Variants in HEPACAM2 observed in about 807,000 individuals in gnomAD.
The protein encoded by HEPACAM2 is HEPACAM family member 2.
In HEPACAM2, 49 loss-of-function variants were observed where a neutral mutation model predicts 49.6. The observed-to-expected ratio is 0.99, with a 90% CI of 0.78 to 1.25. The LOEUF is 1.25. Among genes scored for constraint, HEPACAM2 ranks in the 50% most tolerant of loss-of-function variants. The probability of loss-of-function intolerance (pLI) is 0.00; values close to 1 mark genes in which losing one functional copy is unlikely to be tolerated. For synonymous variants in HEPACAM2, 197 were observed against 202.9 expected (o/e 0.97, Z 0.25); for missense variants, 525 against 557.2 (o/e 0.94, Z 0.58).
At chr7:93,215,835 G>A in intron 2 of HEPACAM2, 150 bp from the exon 3 acceptor site, 1 of 732,998 alleles carries the variant, frequency 1.4e-6, no homozygotes, top group Non-Finnish European at 2.1e-6. Context: ...CTAAAGAAGA[G>A]AAGAGAATAA....
At chr7:93,205,828 G>A (rs1718327707) in intron 4 of HEPACAM2, among the ~76,000 whole-genome samples, 3 of 152,060 alleles carry the variant, frequency 2.0e-5, no homozygotes, top group Admixed American at 1.3e-4. Flanking sequence ...GGACATTTGG[G>A]GGTTAGAAAA....
In HEPACAM2 at chr7:93,208,746, C is replaced by T. The variant is rs1216336872; in HGVS notation, c.846G>A (p.Trp282Ter). ...ATGTAGTATTGTCAGTCCTCCTAATCCAGGAGTAGGTGTTGGGGGGATGAG... is the reference window on the plus strand; with the variant it reads ...ATGTAGTATTGTCAGTCCTCCTAATTCAGGAGTAGGTGTTGGGGGGATGAG... Reference protein sequence around the residue: ...ADSHPPNTYSWIRRTDNTTYI... With the variant: ...ADSHPPNTYS The change falls in exon 4 of 10, where the codon TGG (tryptophan) becomes TGA (stop). Residue 282 changes from tryptophan to a stop codon, truncating the protein, a stop_gained. Transcript: ENST00000394468. LOFTEE classifies it high-confidence loss of function. 6.2e-7 allele frequency: 1 copy of T among 1,613,130 alleles called. No individual in the cohort carries two copies. Among genetic ancestry groups the T allele is most frequent in the Non-Finnish European group, 8.5e-7 (1 of 1,179,452 alleles).
intron 1 of HEPACAM2, 73 bp downstream of exon 1, chr7:93,226,295 A>G (rs1794537748): frequency 2.7e-6 from 3 of 1,123,988 alleles, no homozygotes; most frequent in Non-Finnish European, 4.0e-6. Flanking sequence ...TAAAGCAAAT[A>G]TTTACCTTAT....
At chr7:93,226,571 G>A, upstream of HEPACAM2, 1 of 704,962 alleles carries the variant, frequency 1.4e-6, no homozygotes, top group Non-Finnish European at 2.5e-6. Context: ...AATACAGAAT[G>A]AATGTGTATA....
intron 8 of HEPACAM2, among the ~76,000 whole-genome samples, chr7:93,195,541 T>G (rs1793690104): frequency 6.6e-6 from 1 of 152,142 alleles, no homozygotes; most frequent in South Asian, 2.1e-4. Flanking sequence ...TCTCTTGACT[T>G]TCAACCTAGT....
chr7:93,192,333 A>C lies in HEPACAM2; in HGVS notation c.1306T>G (p.Cys436Gly). The change falls in exon 9 of 10, where the codon TGT becomes GGT. Residue 436 changes from cysteine to glycine, a missense_variant. Cys to Gly is a radical substitution (Grantham distance 159). Transcript: ENST00000394468. Reference protein sequence around the residue: ...IPSRSVPASDCVSGQDLHSTV... With the variant: ...IPSRSVPASDGVSGQDLHSTV... Reference sequence around the variant, plus strand: ...CTGTGCAAATCTTGCCCCGATACACAATCAGAGGCTGGAACAGACCTGCTT... The same window carrying C: ...CTGTGCAAATCTTGCCCCGATACACCATCAGAGGCTGGAACAGACCTGCTT... 6.2e-7 allele frequency: 1 copy of C among 1,612,722 alleles called. No individual in the cohort carries two copies. Among genetic ancestry groups the C allele is most frequent in the Non-Finnish European group, 8.5e-7 (1 of 1,179,120 alleles).
chr7:93,200,833 T>G (rs1255990842), intron 4 of HEPACAM2, among the ~76,000 whole-genome samples: 1 of 152,154 alleles, frequency 6.6e-6, no homozygotes, highest in Non-Finnish European at 1.5e-5. Context: ...CCAACCTGCT[T>G]ATTCTAGTTC....
Position 93,192,332 on chromosome 7 carries a change from C to G in HEPACAM2, c.1307G>C (p.Cys436Ser). Residue 436 changes from cysteine (C) to serine (S), a missense_variant, in exon 9 of 10, where the codon TGT becomes TCT. By Grantham distance (112) the Cys-to-Ser change is moderately radical. Transcript: ENST00000394468. Reference sequence around the variant, plus strand: ...ACTGTGCAAATCTTGCCCCGATACACAATCAGAGGCTGGAACAGACCTGCT... The same window carrying G: ...ACTGTGCAAATCTTGCCCCGATACAGAATCAGAGGCTGGAACAGACCTGCT... ...IPSRSVPASD[C>S]VSGQDLHSTV... 6.2e-7 allele frequency: 1 copy of G among 1,612,614 alleles called. No homozygotes were observed. Among genetic ancestry groups the G allele is most frequent in the Non-Finnish European group, 8.5e-7 (1 of 1,179,090 alleles).
At chr7:93,225,411 G>C (rs1297673721) in intron 1 of HEPACAM2, among the ~76,000 whole-genome samples, 3 of 152,026 alleles carry the variant, frequency 2.0e-5, no homozygotes, top group African/African-American at 4.8e-5. Context: ...GTGTGAGATA[G>C]GTACAACAGT....
chr7:93,222,034 C>T (rs940341682), intron 1 of HEPACAM2, among the ~76,000 whole-genome samples: 4 of 151,942 alleles, frequency 2.6e-5, no homozygotes, highest in Admixed American at 6.6e-5. Flanking sequence ...TAGTGGTTTT[C>T]GCAAGGAAAT....
At chr7:93,208,328 G>A (rs925471684) in intron 4 of HEPACAM2, among the ~76,000 whole-genome samples, 3 of 151,982 alleles carry the variant, frequency 2.0e-5, no homozygotes, top group African/African-American at 7.2e-5. Context: ...ACATTTAGAA[G>A]TAATTTGTGG....
intron 1 of HEPACAM2, among the ~76,000 whole-genome samples, chr7:93,222,731 A>C (rs1794473484): frequency 6.6e-6 from 1 of 152,126 alleles, no homozygotes; most frequent in Non-Finnish European, 1.5e-5. Flanking sequence ...ATATCAGATA[A>C]GGTGTAAGGC....
At position 93,226,458 on chromosome 7, in the gene HEPACAM2, C is replaced by T. The variant is rs1245825118; in HGVS notation, c.-12G>A. On this transcript the variant is annotated 5_prime_UTR_variant, in exon 1 of 10. Coordinates refer to ENST00000394468, the MANE Select transcript of HEPACAM2 (RefSeq NM_001039372.4). ...GCATCCTGTCCCATGCATGCAGTGCCCTGTTCTCAGTGGTAACTTGGACCA... is the reference window on the plus strand; with the variant it reads ...GCATCCTGTCCCATGCATGCAGTGCTCTGTTCTCAGTGGTAACTTGGACCA... 2.5e-6 allele frequency: 4 copies of T among 1,609,870 alleles called. No homozygotes were observed. Among genetic ancestry groups the T allele is most frequent in the Middle Eastern group, 3.3e-4 (2 of 6,048 alleles).
In HEPACAM2 at chr7:93,219,213, A is replaced by T; in HGVS notation, c.318T>A (p.Ser106=). The part of the protein sequence containing the change: ...HKFTMMPPNA[S]LLINPLQFPD... ...GGAACTGCAGTGGGTTGATAAGCAG[A>T]GATGCATTGGGTGGCATCATGGTGA... The change falls in exon 2 of 10, where the codon TCT becomes TCA. Residue 106 remains serine, a synonymous_variant. Transcript: ENST00000394468. The T allele has an allele frequency of 6.2e-7, 1 of 1,614,006 alleles. No individual in the cohort carries two copies. Among genetic ancestry groups the T allele is most frequent in the Non-Finnish European group, 8.5e-7 (1 of 1,179,932 alleles).
At chr7:93,223,119 G>C (rs1320116732) in intron 1 of HEPACAM2, among the ~76,000 whole-genome samples, 1 of 152,184 alleles carries the variant, frequency 6.6e-6, no homozygotes, top group East Asian at 1.9e-4. Context: ...CCATTAGGCT[G>C]AGAAGGTCTG....
chr7:93,231,446 C>T (rs537846837), upstream of HEPACAM2, among the ~76,000 whole-genome samples: 33 of 152,292 alleles, frequency 2.2e-4, no homozygotes, highest in South Asian at 6.2e-4. Context: ...ATACCTGCTT[C>T]GTCATCTTTA....
At position 93,197,501 on chromosome 7, in the gene HEPACAM2, T is replaced by A; in HGVS notation, c.1122A>T (p.Lys374Asn). The change falls in exon 5 of 10, where the codon AAA becomes AAT. Residue 374 changes from lysine to asparagine, a missense_variant. Transcript: ENST00000394468. Reference sequence around the variant, plus strand: ...TTAACCTACCTTTGTAGGGTTGATATTTTTTCCATAGGAAGAGAAGACACA... The same window carrying A: ...TTAACCTACCTTTGTAGGGTTGATAATTTTTCCATAGGAAGAGAAGACACA... ...ISMCLLFLWK[K>N]YQPYKVIKQK... The A allele has an allele frequency of 1.3e-6, 2 of 1,595,380 alleles. No individual in the cohort carries two copies. The highest frequency in any genetic ancestry group is 1.3e-5 in the African/African-American group (1 of 74,138).
chr7:93,202,032 C>A (rs868093211), intron 4 of HEPACAM2, among the ~76,000 whole-genome samples: 31 of 101,986 alleles, frequency 3.0e-4, no homozygotes, highest in African/African-American at 3.9e-4. Context: ...AAAAAAAAAC[C>A]AAAAAAAAAA....
Position 93,195,019 on chromosome 7 carries a change from T to C in HEPACAM2, c.1275+809A>G, listed in dbSNP as rs926866482. Among the ~76,000 whole-genome samples the C allele has an allele frequency of 3.4e-5, 5 of 146,456 alleles. No individual in the cohort carries two copies. The Admixed American group carries it at 3.6e-4, about 11-fold the overall frequency. On this transcript the variant is annotated intron_variant, in intron 8 of 9. Coordinates refer to ENST00000394468, the MANE Select transcript of HEPACAM2 (RefSeq NM_001039372.4). The stretch of plus-strand genomic sequence containing the variant: ...TTAGGGCAATAATAAAGATGTATAC[T>C]TGCATACTTTGGGCCTATATGGTAA...
Sources: gnomAD v4.1 joint callset for allele counts (sites outside exome capture counted in the v4.1 genomes callset) on GRCh38, gnomAD v4.1.1 for gene constraint, MANE v1.5 for transcripts, NCBI Gene and HGNC (gene_info 2026-07-23, HGNC 2026-07-21) for gene names.